The following RAB38 variants were observed in gnomAD, a reference collection of about 807,000 sequenced individuals.
RAB38 encodes RAB38, member RAS oncogene family.
Under a neutral mutation model 18.4 loss-of-function variants are expected in RAB38, and 15 were observed. That is an observed-to-expected ratio of 0.82 (90% CI 0.55 to 1.26). RAB38 has a LOEUF of 1.26. Among genes scored for constraint, RAB38 ranks in the 50% most tolerant of loss-of-function variants. RAB38 has a pLI of 0.00. For synonymous variants in RAB38, 101 were observed against 104.4 expected (o/e 0.97, Z 0.20); for missense variants, 294 against 267.4 (o/e 1.10, Z -0.69).
the RAB38 span, among the ~76,000 whole-genome samples, chr11:87,897,439 C>G: frequency 6.6e-6 from 1 of 151,524 alleles, no homozygotes; most frequent in Admixed American, 6.6e-5. Context: ...GGGAAATACC[C>G]TATTTCCCAG....
chr11:87,975,880 T>G, the RAB38 span, among the ~76,000 whole-genome samples: 1 of 151,516 alleles, frequency 6.6e-6, no homozygotes, highest in East Asian at 1.9e-4. Context: ...ATTAGCAATG[T>G]CATGAATAAC....
At chr11:88,032,749 A>G in the RAB38 span, among the ~76,000 whole-genome samples, 5 of 152,344 alleles carry the variant, frequency 3.3e-5, no homozygotes, top group African/African-American at 1.2e-4. Context: ...GAGGATGTGA[A>G]GAAATAGGAA....
the RAB38 span, among the ~76,000 whole-genome samples, chr11:88,081,108 A>G: frequency 6.6e-6 from 1 of 151,912 alleles, no homozygotes; most frequent in Non-Finnish European, 1.5e-5. Flanking sequence ...TACAATGGCT[A>G]AAACAAAATA....
chr11:87,913,047 T>A, the RAB38 span, among the ~76,000 whole-genome samples: 1 of 151,968 alleles, frequency 6.6e-6, no homozygotes, highest in East Asian at 1.9e-4. Context: ...TTCCAAATAT[T>A]TGGGGATTTT....
chr11:87,853,037 A>G, the RAB38 span, among the ~76,000 whole-genome samples: 4 of 152,196 alleles, frequency 2.6e-5, no homozygotes, highest in African/African-American at 9.6e-5. Flanking sequence ...GGAAAATTTT[A>G]AAGTCTGAAT....
At chr11:87,863,125 G>A in the RAB38 span, among the ~76,000 whole-genome samples, 1 of 151,792 alleles carries the variant, frequency 6.6e-6, no homozygotes, top group Admixed American at 6.6e-5. Flanking sequence ...AGTGAGAAAA[G>A]AATGAATAGT....
chr11:87,827,355 TTCTC>T, the RAB38 span, among the ~76,000 whole-genome samples: 6 of 151,972 alleles, frequency 3.9e-5, no homozygotes, highest in Non-Finnish European at 8.8e-5. Context: ...CTAGGTTTGA[TTCTC>T]TCTCATTAGG....
At chr11:87,956,293 C>T in the RAB38 span, among the ~76,000 whole-genome samples, 4 of 152,130 alleles carry the variant, frequency 2.6e-5, no homozygotes, top group African/African-American at 4.8e-5. Flanking sequence ...TAAATTGTAG[C>T]TATTGTTCTT....
At chr11:87,946,890 C>G in the RAB38 span, among the ~76,000 whole-genome samples, 4 of 151,990 alleles carry the variant, frequency 2.6e-5, no homozygotes, top group Admixed American at 2.0e-4. Flanking sequence ...ATTTACAATC[C>G]TTTGGGTATA....
At chr11:88,073,262 C>T in the RAB38 span, among the ~76,000 whole-genome samples, 2 of 152,170 alleles carry the variant, frequency 1.3e-5, no homozygotes, top group Non-Finnish European at 2.9e-5. Context: ...GTAACTCAGC[C>T]AAAGGAGACA....
chr11:88,082,772 C>T, the RAB38 span, among the ~76,000 whole-genome samples: 2 of 151,970 alleles, frequency 1.3e-5, no homozygotes, highest in East Asian at 3.9e-4. Context: ...TGCAATTGCT[C>T]TCTAACTGAT....
At chr11:88,004,036 T>G in the RAB38 span, among the ~76,000 whole-genome samples, 26 of 140,450 alleles carry the variant, frequency 1.9e-4, no homozygotes, top group Non-Finnish European at 3.2e-4. Flanking sequence ...CTATTTTATA[T>G]ATATATGGGA....
At chr11:88,113,037 C>T (rs181979982), downstream of RAB38, among the ~76,000 whole-genome samples, 46 of 151,972 alleles carry the variant, frequency 3.0e-4, no homozygotes, top group African/African-American at 1.1e-3. Context: ...ATGCACTGTA[C>T]ACTCTGTAGC....
chr11:88,039,086 A>C, the RAB38 span, among the ~76,000 whole-genome samples: 1 of 152,190 alleles, frequency 6.6e-6, no homozygotes, highest in Non-Finnish European at 1.5e-5. Context: ...TGAATACTTG[A>C]GCTGAACCTT....
At chr11:88,050,461 T>G in the RAB38 span, among the ~76,000 whole-genome samples, 2 of 152,342 alleles carry the variant, frequency 1.3e-5, no homozygotes, top group African/African-American at 2.4e-5. Context: ...TGGGGCATGA[T>G]TGTACGTATG....
intron 2 of RAB38, among the ~76,000 whole-genome samples, chr11:88,133,241 C>A (rs1056327848): frequency 1.3e-5 from 2 of 152,012 alleles, no homozygotes; most frequent in African/African-American, 4.8e-5. Flanking sequence ...ACAAGTCTTA[C>A]AAAGAGTGAA....
At chr11:87,955,684 A>G in the RAB38 span, among the ~76,000 whole-genome samples, 5 of 148,442 alleles carry the variant, frequency 3.4e-5, no homozygotes, top group Non-Finnish European at 7.4e-5. Flanking sequence ...CTATCAATCA[A>G]TCTTTCTATC....
At chr11:88,106,235 G>A in the RAB38 span, among the ~76,000 whole-genome samples, 3 of 152,212 alleles carry the variant, frequency 2.0e-5, no homozygotes, top group Admixed American at 2.0e-4. Flanking sequence ...TTTTGCTAGA[G>A]ATCTTGACAA....
the RAB38 span, among the ~76,000 whole-genome samples, chr11:88,091,166 C>A: frequency 6.6e-6 from 1 of 151,954 alleles, no homozygotes; most frequent in Non-Finnish European, 1.5e-5. Flanking sequence ...TATTCCCTAG[C>A]TCACCCAATA....
Sources: allele counts gnomAD v4.1 joint callset (sites outside exome capture counted in the v4.1 genomes callset), GRCh38; gene constraint gnomAD v4.1.1; transcripts MANE v1.5; gene names NCBI Gene and HGNC (gene_info 2026-07-23, HGNC 2026-07-21).